The following CRHBP variants were observed in gnomAD, a reference collection of about 807,000 sequenced individuals.
CRHBP encodes the protein corticotropin-releasing hormone-binding protein.
A neutral mutation model predicts 34.9 loss-of-function variants in CRHBP; 19 were observed. The ratio of observed to expected loss-of-function variants is 0.55; its 90% confidence interval spans 0.38 to 0.80. The LOEUF is 0.80. Ranked by LOEUF, CRHBP falls within the 30% of genes least tolerant of loss-of-function variation. The pLI, the probability that CRHBP is intolerant of heterozygous loss-of-function variation, is 0.00. For synonymous variants in CRHBP, 154 were observed against 153.4 expected (o/e 1.00, Z -0.03); for missense variants, 328 against 409.2 (o/e 0.80, Z 1.71).
chr5:76,977,275 T>G (rs72763266), intron 3 of CRHBP, among the ~76,000 whole-genome samples: 12,576 of 152,274 alleles, frequency 0.083, 966 homozygotes, highest in African/African-American at 0.2. Context: ...GAATACGAAG[T>G]ACAGGCATAC....
intron 5 of CRHBP, among the ~76,000 whole-genome samples, chr5:76,959,541 G>A (rs1012929200): frequency 6.6e-6 from 1 of 152,126 alleles, no homozygotes; most frequent in East Asian, 1.9e-4. Context: ...TTTTCCCTCT[G>A]AGTCATCCTC....
At chr5:76,972,477 G>A (rs992839021), downstream of CRHBP, among the ~76,000 whole-genome samples, 3 of 151,870 alleles carry the variant, frequency 2.0e-5, no homozygotes, top group African/African-American at 7.3e-5. Context: ...TCCAGCCTGG[G>A]CAACAGAGGG....
chr5:76,970,182 G>A (rs1486332789), downstream of CRHBP, among the ~76,000 whole-genome samples: 1 of 152,010 alleles, frequency 6.6e-6, no homozygotes, highest in African/African-American at 2.4e-5. Context: ...CTGACCTCAA[G>A]TGATCTACCA....
intron 3 of CRHBP, among the ~76,000 whole-genome samples, chr5:76,980,659 A>T (rs1268828602): frequency 2.0e-5 from 3 of 152,212 alleles, no homozygotes; most frequent in Admixed American, 2.0e-4. Flanking sequence ...TTAACATTTA[A>T]ATCAGTAGAT....
chr5:76,969,537 A>G (rs1439397708), downstream of CRHBP: 1 of 152,520 alleles, frequency 6.6e-6, no homozygotes, highest in Non-Finnish European at 1.5e-5. Context: ...AAATAATGTT[A>G]TCATGTGGTG....
intron 6 of CRHBP, among the ~76,000 whole-genome samples, 163 bp from the exon 7 acceptor site, chr5:76,968,565 A>G (rs1745897006): frequency 6.6e-6 from 1 of 152,250 alleles, no homozygotes; most frequent in Non-Finnish European, 1.5e-5. Flanking sequence ...TATAATAAAA[A>G]TGAAACAAAA....
chr5:76,954,295 C>G, intron 3 of CRHBP, 109 bp downstream of exon 3: 1 of 1,338,430 alleles, frequency 7.5e-7, no homozygotes, highest in Non-Finnish European at 1.0e-6. Context: ...TAGCCAGTGG[C>G]ACTTCTTAGA....
chr5:76,961,019 G>A (rs543902738), intron 5 of CRHBP, among the ~76,000 whole-genome samples: 1 of 152,084 alleles, frequency 6.6e-6, no homozygotes, highest in East Asian at 1.9e-4. Context: ...TGCCCGCCTC[G>A]GCCTCCCAAA....
intron 6 of CRHBP, among the ~76,000 whole-genome samples, chr5:76,964,226 C>T (rs758556043): frequency 1.3e-5 from 2 of 152,120 alleles, no homozygotes; most frequent in Non-Finnish European, 2.9e-5. Context: ...AAAGGTCACT[C>T]CCATAGCTTT....
chr5:76,959,661 T>C (rs566793958), intron 5 of CRHBP, among the ~76,000 whole-genome samples: 1 of 152,318 alleles, frequency 6.6e-6, no homozygotes, highest in East Asian at 1.9e-4. Context: ...ACCAAATAAA[T>C]AGAACTAGGA....
intron 3 of CRHBP, among the ~76,000 whole-genome samples, chr5:76,980,061 C>T (rs1022386355): frequency 2.0e-5 from 3 of 150,968 alleles, no homozygotes; most frequent in Admixed American, 6.6e-5. Flanking sequence ...ACCATCCTGG[C>T]TAACACGGTG....
chr5:76,975,803 C>CAAAAAAAAAAAAAAAAAAAA (rs1158363151), intron 2 of CRHBP, among the ~76,000 whole-genome samples: 1 of 35,220 alleles, frequency 2.8e-5, no homozygotes, highest in African/African-American at 1.3e-4. Context: ...GACTCTGTCT[C>CAAAAAAAAAAAAAAAAAAAA]AAAAAAAAAA....
downstream of CRHBP, among the ~76,000 whole-genome samples, chr5:76,974,052 G>T (rs1745985219): frequency 2.6e-5 from 4 of 151,808 alleles, no homozygotes; most frequent in South Asian, 8.3e-4. Context: ...GAGTTCAGTG[G>T]CATGATCTTG....
chr5:76,964,265 A>G (rs1745825155), intron 6 of CRHBP, among the ~76,000 whole-genome samples: 1 of 152,148 alleles, frequency 6.6e-6, no homozygotes, highest in Non-Finnish European at 1.5e-5. Flanking sequence ...CTAGATTAAC[A>G]TTAACGAGAC....
At chr5:76,959,282 TGAAG>T (rs1745740465) in intron 5 of CRHBP, among the ~76,000 whole-genome samples, 2 of 152,212 alleles carry the variant, frequency 1.3e-5, no homozygotes, top group South Asian at 4.1e-4. Context: ...TCTTTTGACA[TGAAG>T]GAAGTATCTC....
downstream of CRHBP, among the ~76,000 whole-genome samples, chr5:76,971,684 A>G: frequency 6.6e-6 from 1 of 152,246 alleles, no homozygotes; most frequent in Non-Finnish European, 1.5e-5. Context: ...CAGGCACTGC[A>G]CTGCTCCAGG....
intron 3 of CRHBP, among the ~76,000 whole-genome samples, chr5:76,977,692 C>T (rs1236505193): frequency 6.6e-6 from 1 of 152,058 alleles, no homozygotes; most frequent in Non-Finnish European, 1.5e-5. Context: ...TAAAATTAGG[C>T]CAATTTATAA....
rs1408170544 is a variant in CRHBP at position 76,980,285 on chromosome 5, G to A, written n.468-676G>A. ...AAAAAAAAAAAAAAAAAAGAAAGCAGTGGGGCCAGGATTCAGACTTCAGTG... is the reference window on the plus strand; with the variant it reads ...AAAAAAAAAAAAAAAAAAGAAAGCAATGGGGCCAGGATTCAGACTTCAGTG... On this transcript the variant is annotated intron_variant and non_coding_transcript_variant, in intron 3 of 3. Transcript: ENST00000514258. Among the ~76,000 whole-genome samples, 6 of 150,932 alleles carry A rather than the reference G, an allele frequency of 4.0e-5. No homozygotes were observed. The South Asian group carries it at 8.4e-4, about 21-fold the overall frequency.
At position 76,954,026 on chromosome 5, in the gene CRHBP, C is replaced by T. The variant is rs992435746; in HGVS notation, c.176-3C>T. The T allele has an allele frequency of 1.2e-6, 2 of 1,611,530 alleles. No individual in the cohort carries two copies. The highest frequency in any genetic ancestry group is 2.2e-5 in the South Asian group (2 of 90,818). ...CTTATTGCCCCATGCCCTCCTCCCCCAGGGTGCCTGGACATGCTGAGCCTC... is the reference window on the plus strand; with the variant it reads ...CTTATTGCCCCATGCCCTCCTCCCCTAGGGTGCCTGGACATGCTGAGCCTC... On this transcript the variant is annotated splice_region_variant and splice_polypyrimidine_tract_variant and intron_variant, in intron 2 of 6. Transcript: ENST00000274368.
Sources: gnomAD v4.1 joint callset for allele counts (sites outside exome capture counted in the v4.1 genomes callset) on GRCh38, gnomAD v4.1.1 for gene constraint, MANE v1.5 for transcripts, NCBI Gene and HGNC (gene_info 2026-07-23, HGNC 2026-07-21) for gene names.